The following ATG7 variants were observed in gnomAD, a reference collection of about 807,000 sequenced individuals.
ATG7 encodes ubiquitin-like modifier-activating enzyme ATG7.
In ATG7, 70 loss-of-function variants were observed where a neutral mutation model predicts 82.4. The observed-to-expected ratio is 0.85, with a 90% CI of 0.70 to 1.04. The LOEUF (loss-of-function observed/expected upper bound fraction) is 1.04, where lower values mean the gene tolerates loss of function less well. ATG7 is among the 50% of genes least tolerant of loss of function. The pLI is 0.00. For synonymous variants in ATG7, 287 were observed against 313.0 expected (o/e 0.92, Z 0.88); for missense variants, 792 against 864.3 (o/e 0.92, Z 1.05).
intron 20 of ATG7, among the ~76,000 whole-genome samples, chr3:11,550,909 T>G (rs1370408462): frequency 6.6e-6 from 1 of 151,986 alleles, no homozygotes; most frequent in Non-Finnish European, 1.5e-5. Flanking sequence ...CGTGTTTGTA[T>G]CTAGTATTCT....
intron 9 of ATG7, among the ~76,000 whole-genome samples, chr3:11,323,475 A>G (rs1212347315): frequency 2.0e-5 from 3 of 152,218 alleles, no homozygotes; most frequent in African/African-American, 7.2e-5. Context: ...TCTCAATGAA[A>G]TGTGGATTCC....
At chr3:11,277,776 C>G (rs1409158294) in intron 1 of ATG7, among the ~76,000 whole-genome samples, 1 of 151,518 alleles carries the variant, frequency 6.6e-6, no homozygotes, top group Non-Finnish European at 1.5e-5. Flanking sequence ...CTCAAATTTA[C>G]CAGGGTGGGG....
chr3:11,432,033 T>A (rs907762735), intron 20 of ATG7, among the ~76,000 whole-genome samples: 6 of 152,182 alleles, frequency 3.9e-5, no homozygotes, highest in African/African-American at 1.4e-4. Context: ...ATACTGCTGT[T>A]GAGATTAGCA....
chr3:11,544,944 G>A (rs1267597071), intron 20 of ATG7, among the ~76,000 whole-genome samples: 1 of 152,240 alleles, frequency 6.6e-6, no homozygotes, highest in Non-Finnish European at 1.5e-5. Context: ...CAAGGTGACA[G>A]CAAATTATGG....
At chr3:11,544,094 A>G (rs1261479486) in intron 20 of ATG7, among the ~76,000 whole-genome samples, 1 of 152,232 alleles carries the variant, frequency 6.6e-6, no homozygotes, top group East Asian at 1.9e-4. Flanking sequence ...AGCAGTCTGA[A>G]GCAGTCACAC....
intron 20 of ATG7, among the ~76,000 whole-genome samples, chr3:11,471,692 C>CT (rs372088418): frequency 0.01 from 1,199 of 116,418 alleles, 11 homozygotes; most frequent in African/African-American, 0.022. Context: ...TATTCCAACT[C>CT]TTTTTTTTTT....
At chr3:11,379,456 ATC>A (rs144015876) in intron 18 of ATG7, among the ~76,000 whole-genome samples, 57 of 152,302 alleles carry the variant, frequency 3.7e-4, no homozygotes, top group African/African-American at 1.3e-3. Context: ...TTTACATTTT[ATC>A]TCTATCTGTT....
chr3:11,378,952 A>C (rs1056193271), intron 18 of ATG7, among the ~76,000 whole-genome samples: 1 of 151,890 alleles, frequency 6.6e-6, no homozygotes, highest in Non-Finnish European at 1.5e-5. Flanking sequence ...TTCAAGTGAG[A>C]GTGTTAAAGT....
intron 3 of ATG7, among the ~76,000 whole-genome samples, chr3:11,296,483 G>T (rs1002419593): frequency 2.0e-5 from 3 of 152,022 alleles, no homozygotes; most frequent in Non-Finnish European, 4.4e-5. Flanking sequence ...CTCTAATCCA[G>T]GTCTTCATAA....
intron 3 of ATG7, among the ~76,000 whole-genome samples, chr3:11,293,740 A>T (rs1487327122): frequency 3.3e-5 from 5 of 151,610 alleles, no homozygotes; most frequent in African/African-American, 1.2e-4. Flanking sequence ...AATCCCAGCT[A>T]CTTGGGAGTC....
chr3:11,420,290 G>A (rs1215580409), intron 19 of ATG7, among the ~76,000 whole-genome samples: 1 of 152,116 alleles, frequency 6.6e-6, no homozygotes, highest in Non-Finnish European at 1.5e-5. Flanking sequence ...TTAAGCCAGT[G>A]CTATTAATAA....
chr3:11,528,411 C>G (rs937605192), intron 20 of ATG7, among the ~76,000 whole-genome samples: 2 of 152,148 alleles, frequency 1.3e-5, no homozygotes, highest in Non-Finnish European at 2.9e-5. Context: ...CAGATGGTCA[C>G]GTACCTCCTA....
chr3:11,327,945 C>T (rs928658501), intron 9 of ATG7, among the ~76,000 whole-genome samples: 3 of 152,186 alleles, frequency 2.0e-5, no homozygotes, highest in Admixed American at 2.0e-4. Flanking sequence ...GCATGGACCA[C>T]ATTTTGAGGA....
chr3:11,534,746 G>C (rs1036890957), intron 20 of ATG7, among the ~76,000 whole-genome samples: 2 of 152,204 alleles, frequency 1.3e-5, no homozygotes, highest in Admixed American at 1.3e-4. Context: ...AGCCTGGTAG[G>C]CCTCTTGACC....
intron 20 of ATG7, among the ~76,000 whole-genome samples, chr3:11,450,681 T>C (rs2085030050): frequency 2.0e-5 from 3 of 152,234 alleles, no homozygotes; most frequent in African/African-American, 7.2e-5. Flanking sequence ...TCCAGAGAGT[T>C]GCAGGGATAT....
chr3:11,511,858 C>A (rs1245194604), intron 20 of ATG7, among the ~76,000 whole-genome samples: 1 of 152,218 alleles, frequency 6.6e-6, no homozygotes, highest in Non-Finnish European at 1.5e-5. Context: ...CCCCCACTGC[C>A]TGGGGCCAGC....
intron 20 of ATG7, among the ~76,000 whole-genome samples, chr3:11,535,057 TC>T (rs1351935650): frequency 6.6e-6 from 1 of 152,246 alleles, no homozygotes; most frequent in Non-Finnish European, 1.5e-5. Flanking sequence ...CCCTTGCGGG[TC>T]ACCTCCTCAG....
At chr3:11,326,884 T>C (rs1219708286) in intron 9 of ATG7, among the ~76,000 whole-genome samples, 1 of 152,152 alleles carries the variant, frequency 6.6e-6, no homozygotes, top group Non-Finnish European at 1.5e-5. Flanking sequence ...ACTTTCACAT[T>C]CTCACCTAGG....
intron 20 of ATG7, among the ~76,000 whole-genome samples, chr3:11,519,803 CG>C (rs1559791943): frequency 2.0e-5 from 3 of 151,834 alleles, no homozygotes; most frequent in Non-Finnish European, 4.4e-5. Flanking sequence ...CCTTGTGATC[CG>C]CCCACCTCGG....
Sources: allele counts gnomAD v4.1 joint callset (sites outside exome capture counted in the v4.1 genomes callset), GRCh38; gene constraint gnomAD v4.1.1; transcripts MANE v1.5; gene names NCBI Gene and HGNC (gene_info 2026-07-23, HGNC 2026-07-21).